The following ZNF385C variants were observed in gnomAD, a reference collection of about 807,000 sequenced individuals.
ZNF385C encodes zinc finger protein 385C, also known as CTD-2132N18.2.
ZNF385C carries 28 observed loss-of-function variants against 35.4 expected under a neutral mutation model. That is an observed-to-expected ratio of 0.79 (90% CI 0.59 to 1.08). ZNF385C has a LOEUF of 1.08. ZNF385C is among the 50% of genes least tolerant of loss of function. ZNF385C has a pLI of 0.00. For synonymous variants in ZNF385C, 248 were observed against 248.2 expected (o/e 1.00, Z 0.01); for missense variants, 605 against 595.6 (o/e 1.02, Z -0.16).
rs912033792 is a variant in ZNF385C, at chr17:42,095,956, T to C, written c.-3+2454A>G. ...TCAAGCCAGCAAACTGTGAAATATG[T>C]TCTAACCTCTCACCCTGACAAATAC... On this transcript the variant is annotated intron_variant, in intron 1 of 8. Coordinates refer to ENST00000692273, the MANE Select transcript of ZNF385C (RefSeq NM_001392013.1). This position sits in a 1 kb window ranked among gnomAD's most constrained non-coding sequence, Gnocchi z 4.4. 8.5e-5 allele frequency among the ~76,000 whole-genome samples: 13 copies of C among 152,176 alleles called. No homozygotes were observed. Among genetic ancestry groups the C allele is most frequent in the Non-Finnish European group, 1.6e-4 (11 of 68,028 alleles).
In ZNF385C at chr17:42,050,538, C is replaced by G. The variant is rs2053260059; in HGVS notation, c.250+12269G>C. On this transcript the variant is annotated intron_variant, in intron 2 of 8. Transcript: ENST00000692273. The surrounding 1 kb of genome is among the most constrained non-coding windows in gnomAD (Gnocchi z 5.6). ...GTCCAGCCCGGCCTGGCGCCCCCGC[C>G]CCGTCCGCTCGCACTCACGGAGACA... The G allele has an allele frequency of 6.6e-6, 1 of 152,244 alleles. No homozygotes were observed. Among genetic ancestry groups the G allele is most frequent in the Admixed American group, 6.5e-5 (1 of 15,290 alleles). The allele number at this position is 152,244 out of a possible 1,614,324, so 9.4% of individuals were successfully genotyped here.
rs782311980 is a variant in ZNF385C, at chr17:42,027,090, G to A, written c.1319C>T (p.Ala440Val). 6.2e-7 allele frequency: 1 copy of A among 1,612,824 alleles called. No homozygotes were observed. The highest frequency in any genetic ancestry group is 8.5e-7 in the Non-Finnish European group (1 of 1,179,466). The change falls in exon 9 of 9, where the codon GCC becomes GTC. Residue 440 changes from alanine to valine, a missense_variant. Ala to Val is a moderately conservative substitution (Grantham distance 64). Transcript: ENST00000692273. ...LQKQLTKTLA[A>V]RFLPSPLPTA... ...GGGGAGCGGGCTGGGCAGGAAGCGG[G>A]CTGCCAACGTCTTGGTGAGTTGCTT...
In ZNF385C at chr17:42,062,938, G is replaced by A. The variant is rs1555658126; in HGVS notation, c.119C>T (p.Pro40Leu). Residue 40 changes from proline (P) to leucine (L), a missense_variant, in exon 2 of 9, where the codon CCA becomes CTA. By Grantham distance (98) the Pro-to-Leu change is moderately conservative (BLOSUM62 -3). Coordinates refer to ENST00000692273, the MANE Select transcript of ZNF385C (RefSeq NM_001392013.1). ...PPKPKRERKR[P>L]SYTLCDVCNI... ...GCAGACATCACAGAGCGTGTACGAT[G>A]GCCGCTTTCTTTCTCGCTTGGGCTT... The A allele has an allele frequency of 1.4e-6, 1 of 697,468 alleles. No homozygotes were observed. 43.2% of individuals were successfully genotyped at this position (697,468 alleles called of 1,614,324 possible).
rs374602348 is a variant in ZNF385C, at chr17:42,028,187, G to A, written c.1027C>T (p.Arg343Cys). The A allele has an allele frequency of 2.1e-5, 34 of 1,590,716 alleles. No individual in the cohort carries two copies. The highest frequency in any genetic ancestry group is 1.7e-4 in the Middle Eastern group (1 of 5,932). The change falls in exon 7 of 9, where the codon CGC becomes TGC. Residue 343 changes from arginine to cysteine, a missense_variant. Coordinates refer to ENST00000692273, the MANE Select transcript of ZNF385C (RefSeq NM_001392013.1). ...CCGGCACCTCCCCTGGACACCGGGCGGCCCCGGCTCCTCCGGGGAGCCCCT... is the reference window on the plus strand; with the variant it reads ...CCGGCACCTCCCCTGGACACCGGGCAGCCCCGGCTCCTCCGGGGAGCCCCT... ...QRGAPRRSRG[R>C]PVSRGGAGHK...
At chr17:42,067,968 A>G (rs2053571962) in intron 1 of ZNF385C, among the ~76,000 whole-genome samples, 2 of 152,204 alleles carry the variant, frequency 1.3e-5, no homozygotes, top group African/African-American at 4.8e-5. Context: ...TATCTGCCAC[A>G]CAGCTGATTA....
chr17:42,086,130 G>C (rs553221872), intron 1 of ZNF385C, among the ~76,000 whole-genome samples: 1 of 152,056 alleles, frequency 6.6e-6, no homozygotes, highest in African/African-American at 2.4e-5. Flanking sequence ...AGTGGCTCAC[G>C]CCTGTAATCC....
chr17:42,041,567 A>G (rs1329765480), intron 2 of ZNF385C, among the ~76,000 whole-genome samples: 1 of 152,182 alleles, frequency 6.6e-6, no homozygotes, highest in Non-Finnish European at 1.5e-5. Flanking sequence ...ATGAATCATA[A>G]AGAGCTCTAG....
Position 42,050,812 on chromosome 17 carries a change from A to C in ZNF385C, c.250+11995T>G, listed in dbSNP as rs1222119276. Among the ~76,000 whole-genome samples the C allele has an allele frequency of 6.6e-6, 1 of 151,512 alleles. No homozygotes were observed. Among genetic ancestry groups the C allele is most frequent in the African/African-American group, 2.4e-5 (1 of 41,350 alleles). On this transcript the variant is annotated intron_variant, in intron 2 of 8. Coordinates refer to ENST00000692273, the MANE Select transcript of ZNF385C (RefSeq NM_001392013.1). The surrounding 1 kb of genome is among the most constrained non-coding windows in gnomAD (Gnocchi z 5.6). ...CCCCTGCCGCCCCACGCGCGGCAGC[A>C]GGAGCCAGAGGCTAGACCGCAGGCA...
intron 2 of ZNF385C, chr17:42,043,255 T>G: frequency 8.1e-7 from 1 of 1,232,288 alleles, no homozygotes; most frequent in Non-Finnish European, 1.0e-6. Context: ...GAACATCAGC[T>G]TCCGCTCATA....
chr17:42,047,863 C>T (rs1417874083), intron 2 of ZNF385C, among the ~76,000 whole-genome samples: 2 of 152,014 alleles, frequency 1.3e-5, no homozygotes, highest in Non-Finnish European at 2.9e-5. Flanking sequence ...CCGTGTTGGT[C>T]AGGCTGGTCT....
chr17:42,085,432 C>T (rs1448666483), intron 1 of ZNF385C, among the ~76,000 whole-genome samples: 1 of 150,842 alleles, frequency 6.6e-6, no homozygotes, highest in Non-Finnish European at 1.5e-5. Flanking sequence ...CCACGTCCGG[C>T]TAATTTTTTT....
At chr17:42,057,503 C>CGTGTGTGTGTGTGT (rs1567991377) in intron 2 of ZNF385C, among the ~76,000 whole-genome samples, 3 of 141,772 alleles carry the variant, frequency 2.1e-5, no homozygotes, top group Admixed American at 6.7e-5. Flanking sequence ...GGTGTGCGCG[C>CGTGTGTGTGTGTGT]GCGCGCGCGC....
At chr17:42,080,458 G>T (rs1214264518) in intron 1 of ZNF385C, among the ~76,000 whole-genome samples, 1 of 152,140 alleles carries the variant, frequency 6.6e-6, no homozygotes, top group South Asian at 2.1e-4. Flanking sequence ...CAGGCCTTGG[G>T]GTCCTGTCCT....
rs1419595406 is a variant in ZNF385C at position 42,059,707 on chromosome 17, C to T, written c.250+3100G>A. Among the ~76,000 whole-genome samples the T allele has an allele frequency of 3.9e-5, 6 of 152,160 alleles. No homozygotes were observed. In the East Asian group the frequency reaches 5.8e-4, roughly 15 times the overall value. ...TGCGATCTCAGCTCACTGCAACCTCCGCCTCCTGTGTTCAAGCGATTCTTG... is the reference window on the plus strand; with the variant it reads ...TGCGATCTCAGCTCACTGCAACCTCTGCCTCCTGTGTTCAAGCGATTCTTG... On this transcript the variant is annotated intron_variant, in intron 2 of 8. Transcript: ENST00000692273.
chr17:42,032,925 T>A (rs546268150), intron 4 of ZNF385C, among the ~76,000 whole-genome samples: 4 of 151,946 alleles, frequency 2.6e-5, no homozygotes, highest in African/African-American at 9.6e-5. Context: ...GGTTTCACCA[T>A]GTTGGCCAGG....
At chr17:42,041,231 G>C (rs919628298) in intron 2 of ZNF385C, 4 of 1,231,330 alleles carry the variant, frequency 3.2e-6, no homozygotes, top group Non-Finnish European at 4.1e-6. Context: ...GACTGAGTTA[G>C]GCTTGTCCTG....
rs201699529 is a variant in ZNF385C, at chr17:42,084,181, GA to G, written c.-3+14228del. 2.4e-3 allele frequency among the ~76,000 whole-genome samples: 345 copies of G among 141,086 alleles called. 1 individual carries two copies. The highest frequency in any genetic ancestry group is 5.0e-3 in the African/African-American group (193 of 38,550). 92.6% of individuals were successfully genotyped at this position (141,086 alleles called of 152,430 possible). A position where few individuals can be genotyped will look rare whatever the true frequency, so the allele number is the denominator to read the frequency against. ...CTGAACATATCAAGACCTCATATCT[GA>G]AAAAAAAAAAAATAGCTAGGCATGG... On this transcript the variant is annotated intron_variant, in intron 1 of 8. Transcript: ENST00000692273.
chr17:42,074,334 C>T (rs781928780), intron 1 of ZNF385C, among the ~76,000 whole-genome samples: 4 of 151,882 alleles, frequency 2.6e-5, no homozygotes, highest in African/African-American at 7.3e-5. Context: ...TTAAATTGTA[C>T]ATTTTAAATG....
intron 1 of ZNF385C, among the ~76,000 whole-genome samples, chr17:42,083,425 TCTCGATCTCCTAAC>T (rs1303817801): frequency 6.6e-6 from 1 of 151,910 alleles, no homozygotes. Flanking sequence ...GCCAGGATGG[TCTCGATCTCCTAAC>T]CTCATGATCC....
Sources: allele counts gnomAD v4.1 joint callset (sites outside exome capture counted in the v4.1 genomes callset), GRCh38; gene constraint gnomAD v4.1.1; non-coding constraint Gnocchi (gnomAD v3.1); transcripts MANE v1.5; gene names NCBI Gene and HGNC (gene_info 2026-07-23, HGNC 2026-07-21).